The following ARHGAP15 variants were observed in gnomAD, a reference collection of about 807,000 sequenced individuals.
ARHGAP15 encodes Rho GTPase activating protein 15, also known as rho GTPase-activating protein 15.
A neutral mutation model predicts 63.7 loss-of-function variants in ARHGAP15; 51 were observed. That is an observed-to-expected ratio of 0.80 (90% CI 0.64 to 1.01). The LOEUF is 1.01. Ranked by LOEUF, ARHGAP15 falls within the 50% of genes least tolerant of loss-of-function variation. The probability of loss-of-function intolerance (pLI) is 0.00; values close to 1 mark genes in which losing one functional copy is unlikely to be tolerated. For missense variants in ARHGAP15, 560 were observed against 564.6 expected (o/e 0.99, Z 0.08); for synonymous variants, 191 against 193.8 (o/e 0.99, Z 0.12).
At chr2:143,509,410 G>A (rs568247462) in intron 9 of ARHGAP15, among the ~76,000 whole-genome samples, 23 of 151,526 alleles carry the variant, frequency 1.5e-4, no homozygotes, top group Admixed American at 2.6e-4. Context: ...GCAGAGAATC[G>A]GCCCAATTTT....
chr2:143,291,888 C>T (rs1209909613), intron 6 of ARHGAP15, among the ~76,000 whole-genome samples: 6 of 151,912 alleles, frequency 3.9e-5, no homozygotes. Flanking sequence ...AGAGTTGTAC[C>T]CAGACACTGG....
intron 8 of ARHGAP15, among the ~76,000 whole-genome samples, chr2:143,442,756 T>A (rs77361019): frequency 3.3e-5 from 5 of 150,506 alleles, no homozygotes; most frequent in African/African-American, 1.2e-4. Flanking sequence ...TATTGTTTCA[T>A]TTTTTTTTGT....
intron 10 of ARHGAP15, among the ~76,000 whole-genome samples, chr2:143,529,169 A>G (rs1051464145): frequency 4.6e-5 from 7 of 151,942 alleles, no homozygotes; most frequent in African/African-American, 1.7e-4. Context: ...TGTTCCTCCT[A>G]TTTTATTTCT....
At chr2:143,570,712 G>A (rs3934701) in intron 11 of ARHGAP15, among the ~76,000 whole-genome samples, 21,533 of 152,174 alleles carry the variant, frequency 0.14, 1,952 homozygotes, top group Admixed American at 0.22. Flanking sequence ...GATTTTTATT[G>A]TCTTCGTTTT....
chr2:143,760,948 C>G (rs1024780921), intron 13 of ARHGAP15, among the ~76,000 whole-genome samples: 2 of 151,898 alleles, frequency 1.3e-5, no homozygotes, highest in Non-Finnish European at 2.9e-5. Flanking sequence ...GTGACCACCT[C>G]GAAACACACT....
At chr2:143,413,971 G>GCGCGCGCGCA (rs147891307) in intron 6 of ARHGAP15, among the ~76,000 whole-genome samples, 7,170 of 147,548 alleles carry the variant, frequency 0.049, 300 homozygotes, top group African/African-American at 0.086. Flanking sequence ...GTGTGTGCGC[G>GCGCGCGCGCA]CTCTCTGGCA....
chr2:143,556,517 A>C (rs766015936), intron 11 of ARHGAP15, 32 bp downstream of exon 11: 1 of 1,537,244 alleles, frequency 6.5e-7, no homozygotes, highest in Non-Finnish European at 9.0e-7. Flanking sequence ...GATTTTTTCA[A>C]ACAGTTTCAT....
At chr2:143,141,670 A>C (rs950070700) in intron 1 of ARHGAP15, among the ~76,000 whole-genome samples, 3 of 152,164 alleles carry the variant, frequency 2.0e-5, no homozygotes, top group Non-Finnish European at 4.4e-5. Flanking sequence ...AAGTAATGTG[A>C]ATGTCTGACG....
At chr2:143,701,714 A>G (rs182283242) in intron 12 of ARHGAP15, among the ~76,000 whole-genome samples, 2 of 152,296 alleles carry the variant, frequency 1.3e-5, no homozygotes, top group East Asian at 3.9e-4. Flanking sequence ...TGCACAGTAG[A>G]GCAAGATCCT....
At chr2:143,672,710 A>G (rs1388668368) in intron 12 of ARHGAP15, among the ~76,000 whole-genome samples, 1 of 152,196 alleles carries the variant, frequency 6.6e-6, no homozygotes, top group Non-Finnish European at 1.5e-5. Context: ...TAGTTTGAGA[A>G]TAAGTTAAAT....
intron 9 of ARHGAP15, among the ~76,000 whole-genome samples, chr2:143,511,781 C>T (rs1017706219): frequency 4.6e-5 from 7 of 152,098 alleles, no homozygotes; most frequent in African/African-American, 1.7e-4. Context: ...GAATTGTCCT[C>T]CTTGGTGTAT....
At chr2:143,581,592 C>T (rs1696909094) in intron 11 of ARHGAP15, among the ~76,000 whole-genome samples, 2 of 152,122 alleles carry the variant, frequency 1.3e-5, no homozygotes, top group South Asian at 4.1e-4. Context: ...ACTTCGAGAG[C>T]TTGAATTCCC....
intron 12 of ARHGAP15, among the ~76,000 whole-genome samples, chr2:143,643,511 G>A (rs1680716655): frequency 7.0e-6 from 1 of 142,542 alleles, no homozygotes; most frequent in Non-Finnish European, 1.5e-5. Context: ...CTCGGATCAT[G>A]TTAGACTGTA....
chr2:143,167,881 C>T (rs1690611594), intron 2 of ARHGAP15, among the ~76,000 whole-genome samples: 1 of 152,068 alleles, frequency 6.6e-6, no homozygotes, highest in Admixed American at 6.6e-5. Context: ...GTGGTGTTTT[C>T]CTGCAGGTTG....
chr2:143,634,107 G>T (rs780604261), intron 12 of ARHGAP15, among the ~76,000 whole-genome samples: 2 of 151,992 alleles, frequency 1.3e-5, no homozygotes, highest in Non-Finnish European at 2.9e-5. Flanking sequence ...CACCCACAAG[G>T]TCTCCAACTT....
intron 2 of ARHGAP15, among the ~76,000 whole-genome samples, chr2:143,166,099 T>C (rs1690519385): frequency 6.6e-6 from 1 of 152,112 alleles, no homozygotes; most frequent in Non-Finnish European, 1.5e-5. Context: ...AAAATGCTAA[T>C]GAATTACCTT....
chr2:143,725,207 C>T (rs1239553768), intron 13 of ARHGAP15, among the ~76,000 whole-genome samples: 2 of 152,148 alleles, frequency 1.3e-5, no homozygotes, highest in Non-Finnish European at 2.9e-5. Flanking sequence ...AAGAAAATTG[C>T]ACATAAAACC....
intron 5 of ARHGAP15, among the ~76,000 whole-genome samples, chr2:143,241,323 T>A (rs1385465468): frequency 6.6e-6 from 1 of 152,228 alleles, no homozygotes; most frequent in Non-Finnish European, 1.5e-5. Context: ...TATTTTCACA[T>A]ATTTATTGGC....
chr2:143,541,262 C>A (rs951239220), intron 10 of ARHGAP15, among the ~76,000 whole-genome samples: 1 of 152,160 alleles, frequency 6.6e-6, no homozygotes. Flanking sequence ...ATTGGTTATT[C>A]TAGTTATCCA....
Sources: gnomAD v4.1 joint callset for allele counts (sites outside exome capture counted in the v4.1 genomes callset) on GRCh38, gnomAD v4.1.1 for gene constraint, MANE v1.5 for transcripts, NCBI Gene and HGNC (gene_info 2026-07-23, HGNC 2026-07-21) for gene names.